Variants in ATP9A observed in about 807,000 individuals in gnomAD.
The protein encoded by ATP9A is probable phospholipid-transporting ATPase IIA.
Under a neutral mutation model 144.1 loss-of-function variants are expected in ATP9A, and 52 were observed. The ratio of observed to expected loss-of-function variants is 0.36; its 90% CI spans 0.29 to 0.45. ATP9A has a LOEUF of 0.45. Among genes scored for constraint, ATP9A ranks in the 20% least tolerant of loss-of-function variants. The pLI is 1.00. For synonymous variants in ATP9A, 582 were observed against 557.4 expected (o/e 1.04, Z -0.62); for missense variants, 947 against 1,392.7 (o/e 0.68, Z 5.09).
chr20:51,651,958 T>C (rs532805139), intron 14 of ATP9A, among the ~76,000 whole-genome samples: 3 of 151,332 alleles, frequency 2.0e-5, no homozygotes, highest in East Asian at 3.9e-4. Context: ...TTTTTAAATA[T>C]GAAAAATTCA....
At position 51,601,194 on chromosome 20, in the gene ATP9A, T is replaced by C. The variant is rs1465451888; in HGVS notation, c.*17A>G. 1 of 1,585,982 alleles carries C rather than the reference T, an allele frequency of 6.3e-7. No homozygotes were observed. The highest frequency in any genetic ancestry group is 8.6e-7 in the Non-Finnish European group (1 of 1,165,608). On this transcript the variant is annotated 3_prime_UTR_variant, in exon 28 of 28. Transcript: ENST00000338821. ...GGGAAGCGCCAAGACCAGGGCCCCC[T>C]CCAGCGAACGCACGGCCTATGATGT...
rs200119115 is a variant in ATP9A, at chr20:51,617,559, G to A, written c.2351-5C>T. ...TGACGTCATTGCCTCCGTCCCCTGCGAGCCACACAGACCAGAGAGAAAAGA... is the reference window on the plus strand; with the variant it reads ...TGACGTCATTGCCTCCGTCCCCTGCAAGCCACACAGACCAGAGAGAAAAGA... On this transcript the variant is annotated splice_polypyrimidine_tract_variant and splice_region_variant and intron_variant, in intron 21 of 27. Coordinates refer to ENST00000338821, the MANE Select transcript of ATP9A (RefSeq NM_006045.3). The A allele has an allele frequency of 3.8e-5, 62 of 1,610,898 alleles. No homozygotes were observed. Among genetic ancestry groups the A allele is most frequent in the Admixed American group, 6.7e-5 (4 of 59,622 alleles).
At chr20:51,629,693 T>C (rs568318078) in intron 15 of ATP9A, among the ~76,000 whole-genome samples, 3 of 152,336 alleles carry the variant, frequency 2.0e-5, no homozygotes, top group South Asian at 2.1e-4. Context: ...AGGACTTGCC[T>C]AGAGATCCAA....
At chr20:51,619,580 G>T (rs1001351855) in intron 19 of ATP9A, among the ~76,000 whole-genome samples, 5 of 145,570 alleles carry the variant, frequency 3.4e-5, no homozygotes, top group South Asian at 2.2e-4. Flanking sequence ...AAAAAAAGGG[G>T]GGGGGGGGCC....
intron 15 of ATP9A, among the ~76,000 whole-genome samples, chr20:51,637,697 C>CT (rs2077298426): frequency 9.0e-6 from 1 of 111,656 alleles, no homozygotes; most frequent in African/African-American, 3.0e-5. Context: ...CTTGTGCACT[C>CT]TGTTTTTTTT....
chr20:51,723,471 G>C (rs2077698186), intron 3 of ATP9A, among the ~76,000 whole-genome samples: 1 of 151,902 alleles, frequency 6.6e-6, no homozygotes, highest in African/African-American at 2.4e-5. Context: ...CCACACAGGG[G>C]GCTGGGGCAG....
At chr20:51,758,532 T>C (rs149601418) in intron 1 of ATP9A, among the ~76,000 whole-genome samples, 10 of 152,312 alleles carry the variant, frequency 6.6e-5, no homozygotes, top group African/African-American at 2.4e-4. Flanking sequence ...TTCCAACTTA[T>C]TGCATGCAAG....
chr20:51,658,896 G>GC lies in ATP9A; in HGVS notation c.1294-1747_1294-1746insG. 1.7e-5 allele frequency among the ~76,000 whole-genome samples: 2 copies of GC among 118,102 alleles called. 1 individual carries two copies. Among genetic ancestry groups the GC allele is most frequent in the South Asian group, 7.4e-4 (2 of 2,694 alleles). 77.5% of individuals were successfully genotyped at this position (118,102 alleles called of 152,430 possible). A position where few individuals can be genotyped will look rare whatever the true frequency, so the allele number is the denominator to read the frequency against. On this transcript the variant is annotated intron_variant, in intron 13 of 27. Transcript: ENST00000338821. ...AAAATTAAGACCACTGGCGGGGGGGGGGGGGGGAAGGCTCATTGTTGAACA... is the reference window on the plus strand; with the variant it reads ...AAAATTAAGACCACTGGCGGGGGGGGCGGGGGGGAAGGCTCATTGTTGAACA...
chr20:51,758,222 T>A (rs912997296), intron 1 of ATP9A, among the ~76,000 whole-genome samples: 6 of 152,160 alleles, frequency 3.9e-5, no homozygotes, highest in African/African-American at 1.4e-4. Flanking sequence ...TCTTTCAAAC[T>A]CACAAATTAG....
intron 9 of ATP9A, among the ~76,000 whole-genome samples, chr20:51,685,916 C>T (rs1363362236): frequency 4.6e-5 from 7 of 152,124 alleles, no homozygotes; most frequent in East Asian, 1.9e-4. Flanking sequence ...CACATGCACA[C>T]GTATGTTTAT....
chr20:51,687,629 T>G (rs1048410700), intron 9 of ATP9A, among the ~76,000 whole-genome samples: 1 of 152,058 alleles, frequency 6.6e-6, no homozygotes, highest in African/African-American at 2.4e-5. Context: ...CTGGGCCTGG[T>G]GGCATGCACT....
At chr20:51,653,990 A>C (rs1422521960) in intron 14 of ATP9A, among the ~76,000 whole-genome samples, 1 of 152,184 alleles carries the variant, frequency 6.6e-6, no homozygotes, top group Non-Finnish European at 1.5e-5. Flanking sequence ...AAAACAGACT[A>C]AACCTGCCAA....
chr20:51,634,731 T>C (rs1417035226), intron 15 of ATP9A, among the ~76,000 whole-genome samples: 1 of 151,554 alleles, frequency 6.6e-6, no homozygotes, highest in Non-Finnish European at 1.5e-5. Context: ...AGCACATGCC[T>C]GTAATCCCAG....
At chr20:51,758,642 T>G (rs1301953653) in intron 1 of ATP9A, among the ~76,000 whole-genome samples, 3 of 152,174 alleles carry the variant, frequency 2.0e-5, no homozygotes, top group Non-Finnish European at 4.4e-5. Flanking sequence ...AAGAGCCCTT[T>G]TGGGCTGGGC....
chr20:51,671,013 C>T (rs561766766), intron 12 of ATP9A, 102 bp downstream of exon 12: 29 of 1,280,700 alleles, frequency 2.3e-5, no homozygotes, highest in African/African-American at 4.4e-5. Context: ...AGCAGCAACA[C>T]GCATCTCTCA....
Position 51,610,148 on chromosome 20 carries a change from C to G in ATP9A, c.2589G>C (p.Val863=). The G allele has an allele frequency of 6.2e-7, 1 of 1,610,548 alleles. No homozygotes were observed. Among genetic ancestry groups the G allele is most frequent in the Non-Finnish European group, 8.5e-7 (1 of 1,176,758 alleles). ...AGAGAGGGACGGAGGCAAAGTAAAA[C>G]ACGGAGGAAAAGACAGCCTGTGCCA... ...ISTMQAVFSS[V]FYFASVPLYQ... The change falls in exon 24 of 28, where the codon GTG becomes GTC. Residue 863 remains valine (V), a synonymous_variant. Transcript: ENST00000338821.
At chr20:51,621,147 CAAA>C (rs377707016) in intron 19 of ATP9A, among the ~76,000 whole-genome samples, 5 of 102,532 alleles carry the variant, frequency 4.9e-5, no homozygotes, top group Admixed American at 1.0e-4. Flanking sequence ...GGCCCCATCT[CAAA>C]AAAAAAAAAA....
rs117160057 is a variant in ATP9A at position 51,602,932 on chromosome 20, A to T, written c.3008-1585T>A. Among the ~76,000 whole-genome samples, 472 of 152,230 alleles carry T rather than the reference A, an allele frequency of 3.1e-3. 17 individuals are homozygous for T. The East Asian group carries it at 0.084, about 27-fold the overall frequency. On this transcript the variant is annotated intron_variant, in intron 27 of 27. Transcript: ENST00000338821. ...AGGGTTTGTTCACACCCCACCAAAG[A>T]CCACTGTTTGTTCCCCAGGCGGTGG...
chr20:51,696,070 C>A (rs2077569407), intron 6 of ATP9A, 23 bp downstream of exon 6: 2 of 1,602,000 alleles, frequency 1.2e-6, no homozygotes, highest in Admixed American at 1.7e-5. Context: ...TGGTTATTTT[C>A]CAAATTGATC....
Sources: gnomAD v4.1 joint callset for allele counts (sites outside exome capture counted in the v4.1 genomes callset) on GRCh38, gnomAD v4.1.1 for gene constraint, MANE v1.5 for transcripts, NCBI Gene and HGNC (gene_info 2026-07-23, HGNC 2026-07-21) for gene names.